The following GBP7 variants were observed in gnomAD, a reference collection of about 807,000 sequenced individuals.
The protein encoded by GBP7 is guanylate-binding protein 7.
Under a neutral mutation model 61.3 loss-of-function variants are expected in GBP7, and 43 were observed. The ratio of observed to expected loss-of-function variants is 0.70; its 90% CI spans 0.55 to 0.91. The LOEUF (loss-of-function observed/expected upper bound fraction) is 0.91. GBP7 is among the 40% of genes least tolerant of loss of function. GBP7 has a pLI of 0.00. For synonymous variants in GBP7, 267 were observed against 271.0 expected, an observed-to-expected ratio of 0.99 and a Z score of 0.14; for missense variants, 717 against 740.5, an observed-to-expected ratio of 0.97 and a Z score of 0.37.
intron 1 of GBP7, among the ~76,000 whole-genome samples, chr1:89,173,373 A>G (rs969584890): frequency 2.6e-5 from 4 of 152,304 alleles, no homozygotes; most frequent in Admixed American, 6.5e-5. Context: ...TCCAGTTCCA[A>G]TCCAACACAT....
intron 3 of GBP7, 88 bp downstream of exon 3, chr1:89,164,643 T>C (rs1466193755): frequency 7.9e-7 from 1 of 1,266,914 alleles, no homozygotes; most frequent in Non-Finnish European, 1.1e-6. Context: ...GATTCAGGAA[T>C]AGGCCAGAGA....
chr1:89,165,500 C>CA (rs373264074), intron 2 of GBP7, among the ~76,000 whole-genome samples: 6,040 of 59,568 alleles, frequency 0.1, 206 homozygotes, highest in African/African-American at 0.17. Context: ...GACTCCGTCT[C>CA]AAAAAAAAAG....
chr1:89,153,408 G>A (rs1322135854), intron 3 of GBP7, among the ~76,000 whole-genome samples: 1 of 152,202 alleles, frequency 6.6e-6, no homozygotes, highest in Non-Finnish European at 1.5e-5. Context: ...GATATTAAAA[G>A]TAGCAATTGA....
intron 9 of GBP7, among the ~76,000 whole-genome samples, chr1:89,140,078 G>A (rs1228551148): frequency 6.6e-6 from 1 of 152,060 alleles, no homozygotes; most frequent in Non-Finnish European, 1.5e-5. Context: ...TTGAGAAGAT[G>A]TGGCACATAT....
intron 2 of GBP7, among the ~76,000 whole-genome samples, chr1:89,165,410 G>T (rs1416693877): frequency 6.6e-6 from 1 of 151,762 alleles, no homozygotes; most frequent in Admixed American, 6.6e-5. Context: ...TGAGGTAGGG[G>T]AGTCGCTTGA....
intron 3 of GBP7, 52 bp downstream of exon 3, chr1:89,164,679 A>G: frequency 6.3e-7 from 1 of 1,579,470 alleles, no homozygotes; most frequent in Admixed American, 1.7e-5. Flanking sequence ...ATGCATAAAA[A>G]CATAAATAGA....
At chr1:89,133,958 A>G (rs527500291) in intron 9 of GBP7, among the ~76,000 whole-genome samples, 2 of 152,266 alleles carry the variant, frequency 1.3e-5, no homozygotes, top group South Asian at 4.1e-4. Context: ...ATGCCCAGAT[A>G]CATGGCCTTG....
chr1:89,168,973 T>A (rs1417155968), intron 2 of GBP7, among the ~76,000 whole-genome samples: 11 of 64,858 alleles, frequency 1.7e-4, no homozygotes, highest in African/African-American at 9.0e-4. Context: ...CCGCCTCAAG[T>A]TAAAAAAAAA....
chr1:89,144,835 G>T (rs1042205705), intron 8 of GBP7, among the ~76,000 whole-genome samples: 2 of 151,908 alleles, frequency 1.3e-5, no homozygotes, highest in African/African-American at 2.4e-5. Context: ...TAGGCATCCA[G>T]AACTTACTCA....
At chr1:89,160,766 T>A (rs1570358111) in intron 3 of GBP7, among the ~76,000 whole-genome samples, 2 of 152,286 alleles carry the variant, frequency 1.3e-5, no homozygotes, top group African/African-American at 2.4e-5. Context: ...CTTAAAAAAA[T>A]TTCTTTTGAA....
intron 3 of GBP7, 41 bp downstream of exon 3, chr1:89,164,690 G>C (rs371870593): frequency 1.9e-6 from 3 of 1,597,296 alleles, no homozygotes; most frequent in Non-Finnish European, 2.6e-6. Flanking sequence ...CATAAATAGA[G>C]AATCAAAGGT....
intron 10 of GBP7, 44 bp downstream of exon 10, chr1:89,133,214 C>G: frequency 6.7e-7 from 1 of 1,482,988 alleles, no homozygotes; most frequent in Non-Finnish European, 9.3e-7. Flanking sequence ...AAATGAGGAA[C>G]TGGCATTGTG....
intron 1 of GBP7, among the ~76,000 whole-genome samples, chr1:89,174,300 G>C (rs1647682621): frequency 6.6e-6 from 1 of 152,140 alleles, no homozygotes; most frequent in Admixed American, 6.5e-5. Context: ...CAAAAGATGA[G>C]AGTATATAAT....
At chr1:89,161,967 C>T (rs1205481393) in intron 3 of GBP7, among the ~76,000 whole-genome samples, 1 of 151,158 alleles carries the variant, frequency 6.6e-6, no homozygotes, top group Non-Finnish European at 1.5e-5. Flanking sequence ...GTAAAGGGTC[C>T]AATTTCAATC....
At chr1:89,166,831 C>T (rs540468436) in intron 2 of GBP7, among the ~76,000 whole-genome samples, 2 of 152,366 alleles carry the variant, frequency 1.3e-5, no homozygotes, top group East Asian at 3.9e-4. Context: ...CAATCAGAGT[C>T]CCTGCAATCA....
intron 9 of GBP7, among the ~76,000 whole-genome samples, chr1:89,134,740 C>G (rs2100634031): frequency 6.6e-6 from 1 of 152,252 alleles, no homozygotes; most frequent in Admixed American, 6.5e-5. Context: ...TCAGCCCACA[C>G]AGATGAGAAA....
At chr1:89,149,897 G>T (rs561129760) in intron 6 of GBP7, among the ~76,000 whole-genome samples, 2 of 151,812 alleles carry the variant, frequency 1.3e-5, no homozygotes, top group African/African-American at 4.8e-5. Context: ...ATTTAAAAGC[G>T]TTTATTCAGC....
At chr1:89,155,912 C>T (rs1432195593) in intron 3 of GBP7, among the ~76,000 whole-genome samples, 3 of 152,132 alleles carry the variant, frequency 2.0e-5, no homozygotes, top group Non-Finnish European at 4.4e-5. Context: ...TTGTCAGATT[C>T]ACCAAAGTTG....
At position 89,175,105 on chromosome 1, in the gene GBP7, TG is replaced by T. The variant is rs763052341; in HGVS notation, c.-20+815del. 8.5e-4 allele frequency among the ~76,000 whole-genome samples: 129 copies of T among 152,350 alleles called. 1 individual carries two copies. The highest frequency in any genetic ancestry group is 6.8e-3 in the Middle Eastern group (2 of 294). ...TCAATCCTTGTAACTTATGTGATCA[TG>T]ATACAAAATATATAATCTCTTTAAG... On this transcript the variant is annotated intron_variant, in intron 1 of 10. Transcript: ENST00000294671.
Sources: gnomAD v4.1 joint callset for allele counts (sites outside exome capture counted in the v4.1 genomes callset) on GRCh38, gnomAD v4.1.1 for gene constraint, MANE v1.5 for transcripts, NCBI Gene and HGNC (gene_info 2026-07-23, HGNC 2026-07-21) for gene names.